Variants in PRKCE observed in about 807,000 individuals in gnomAD.
PRKCE encodes the protein protein kinase C epsilon, also known as protein kinase C epsilon type.
PRKCE carries 16 observed loss-of-function variants against 85.4 expected under a neutral mutation model. That is an observed-to-expected ratio of 0.19 (90% CI 0.13 to 0.28). The LOEUF is 0.28. Ranked by LOEUF, PRKCE falls within the 10% of genes least tolerant of loss-of-function variation. The pLI is 1.00. For missense variants in PRKCE, 573 were observed against 975.2 expected, an observed-to-expected ratio of 0.59 and a Z score of 5.49; for synonymous variants, 388 against 371.5, an observed-to-expected ratio of 1.04 and a Z score of -0.51.
chr2:45,973,152 G>T (rs1165066263), intron 2 of PRKCE, among the ~76,000 whole-genome samples: 1 of 152,232 alleles, frequency 6.6e-6, no homozygotes, highest in African/African-American at 2.4e-5. Context: ...GGAGGGAAAT[G>T]CTGAAGGGAT....
intron 14 of PRKCE, among the ~76,000 whole-genome samples, chr2:46,170,370 T>G (rs1678771562): frequency 6.6e-6 from 1 of 152,210 alleles, no homozygotes; most frequent in Non-Finnish European, 1.5e-5. Flanking sequence ...TTAACTTTAG[T>G]ACGGAAATTT....
chr2:45,742,210 T>A (rs552865314), intron 1 of PRKCE, among the ~76,000 whole-genome samples: 1 of 151,746 alleles, frequency 6.6e-6, no homozygotes, highest in Non-Finnish European at 1.5e-5. Context: ...ATATATCCAA[T>A]AAGGGTAACT....
At chr2:45,717,742 T>A (rs1680261193) in intron 1 of PRKCE, among the ~76,000 whole-genome samples, 1 of 152,242 alleles carries the variant, frequency 6.6e-6, no homozygotes, top group African/African-American at 2.4e-5. Flanking sequence ...CCTTACCCAC[T>A]GGTCTGGCTA....
chr2:45,884,997 A>ATTTTTTTTT lies in PRKCE; in HGVS notation c.412+41935_412+41936insTTTTTTTTT, dbSNP rs1360794938. ...TATATATATATATATATATATATAT[A>ATTTTTTTTT]TATATTTGTTGTTGTTGTTGTTGTT... On this transcript the variant is annotated intron_variant, in intron 2 of 14. Transcript: ENST00000306156. Among the ~76,000 whole-genome samples the ATTTTTTTTT allele has an allele frequency of 5.9e-3, 412 of 69,572 alleles. 24 individuals carry two copies. Among genetic ancestry groups the ATTTTTTTTT allele is most frequent in the East Asian group, 0.024 (40 of 1,680 alleles). The allele number at this position is 69,572 out of a possible 152,430, so 45.6% of individuals were successfully genotyped here. A position where few individuals can be genotyped will look rare whatever the true frequency, so the allele number is the denominator to read the frequency against.
rs771962534 is a variant in PRKCE at position 45,940,565 on chromosome 2, G to C, written c.413-35864G>C. Reference sequence around the variant, plus strand: ...GCAGAGAACACGTTAATTGGAGCAAGAAGAAGATGATGACTTGTATCCAGG... The same window carrying C: ...GCAGAGAACACGTTAATTGGAGCAACAAGAAGATGATGACTTGTATCCAGG... On this transcript the variant is annotated intron_variant, in intron 2 of 14. Transcript: ENST00000306156. Among the ~76,000 whole-genome samples the C allele has an allele frequency of 9.3e-4, 142 of 152,182 alleles. 2 individuals are homozygous for C. The highest frequency in any genetic ancestry group is 4.0e-4 in the Non-Finnish European group (27 of 68,040).
intron 11 of PRKCE, among the ~76,000 whole-genome samples, chr2:46,113,729 C>T (rs1672483217): frequency 6.6e-6 from 1 of 152,166 alleles, no homozygotes; most frequent in South Asian, 2.1e-4. Context: ...CCACTTAGCC[C>T]TGGGTAGGGG....
At chr2:45,784,966 C>T (rs1216510182) in intron 1 of PRKCE, among the ~76,000 whole-genome samples, 16 of 152,166 alleles carry the variant, frequency 1.1e-4, no homozygotes, top group Admixed American at 1.0e-3. Flanking sequence ...TATTTCTTAT[C>T]CTTTTCCTCT....
rs984324437 is a variant in PRKCE at position 46,114,608 on chromosome 2, A to G, written c.1592+28246A>G. Among the ~76,000 whole-genome samples, 8 of 151,238 alleles carry G rather than the reference A, an allele frequency of 5.3e-5. No individual in the cohort carries two copies. The East Asian group carries it at 1.6e-3, about 30-fold the overall frequency. ...AATTTTTTGTGTTTTTTTAGTAGAGATGGAGTTTCACCATGTTAGCCAGGA... is the reference window on the plus strand; with the variant it reads ...AATTTTTTGTGTTTTTTTAGTAGAGGTGGAGTTTCACCATGTTAGCCAGGA... On this transcript the variant is annotated intron_variant, in intron 11 of 14. Coordinates refer to ENST00000306156, the MANE Select transcript of PRKCE (RefSeq NM_005400.3).
chr2:45,962,402 G>T (rs1023255374), intron 2 of PRKCE, among the ~76,000 whole-genome samples: 3 of 152,184 alleles, frequency 2.0e-5, no homozygotes, highest in Non-Finnish European at 2.9e-5. Context: ...TAGCACCAAG[G>T]ACTGAGCTAA....
At chr2:46,149,135 C>G (rs529896785) in intron 12 of PRKCE, among the ~76,000 whole-genome samples, 2 of 152,162 alleles carry the variant, frequency 1.3e-5, no homozygotes, top group African/African-American at 2.4e-5. Context: ...CAATTTGTAA[C>G]CTCTAGAAGG....
At chr2:45,669,173 A>G (rs1334598110) in intron 1 of PRKCE, among the ~76,000 whole-genome samples, 3 of 152,048 alleles carry the variant, frequency 2.0e-5, no homozygotes, top group Admixed American at 1.3e-4. Context: ...ATTTTTCTTT[A>G]TCACTGCTTA....
intron 2 of PRKCE, among the ~76,000 whole-genome samples, chr2:45,899,879 C>G (rs1013628050): frequency 6.6e-6 from 1 of 152,158 alleles, no homozygotes; most frequent in Non-Finnish European, 1.5e-5. Flanking sequence ...CTTTTCATTT[C>G]TTGGTTATAT....
At chr2:45,921,325 G>T (rs961316652) in intron 2 of PRKCE, among the ~76,000 whole-genome samples, 1 of 152,148 alleles carries the variant, frequency 6.6e-6, no homozygotes, top group Non-Finnish European at 1.5e-5. Context: ...GGCCAAAGAT[G>T]ATAGGAAATA....
intron 1 of PRKCE, among the ~76,000 whole-genome samples, chr2:45,817,565 G>A (rs1292576927): frequency 6.6e-6 from 1 of 151,962 alleles, no homozygotes; most frequent in Admixed American, 6.6e-5. Context: ...ATGGTGGTGG[G>A]CGCCTGTAGT....
chr2:45,929,969 A>G lies in PRKCE; in HGVS notation c.413-46460A>G, dbSNP rs185275770. Reference sequence around the variant, plus strand: ...TGCCTGGGCCAAGATGGCACCAAATATATGCTTATTGAGTAAATGAATCAT... The same window carrying G: ...TGCCTGGGCCAAGATGGCACCAAATGTATGCTTATTGAGTAAATGAATCAT... On this transcript the variant is annotated intron_variant, in intron 2 of 14. Transcript: ENST00000306156. Among the ~76,000 whole-genome samples the G allele has an allele frequency of 7.9e-5, 12 of 152,156 alleles. No homozygotes were observed. In the East Asian group the frequency reaches 2.3e-3, roughly 29 times the overall value.
chr2:45,726,077 G>C (rs1337299404), intron 1 of PRKCE, among the ~76,000 whole-genome samples: 1 of 152,194 alleles, frequency 6.6e-6, no homozygotes, highest in Non-Finnish European at 1.5e-5. Flanking sequence ...GACCAAACTT[G>C]AACGGATGAG....
chr2:45,740,503 CCA>C (rs1238358750), intron 1 of PRKCE, among the ~76,000 whole-genome samples: 4 of 152,160 alleles, frequency 2.6e-5, no homozygotes, highest in Admixed American at 1.3e-4. Context: ...CCCTCCCCAA[CCA>C]CCTGACACGT....
At chr2:45,914,350 G>C (rs536917249) in intron 2 of PRKCE, among the ~76,000 whole-genome samples, 1 of 152,208 alleles carries the variant, frequency 6.6e-6, no homozygotes, top group African/African-American at 2.4e-5. Context: ...AGCAAGCTCT[G>C]TTTGGACATG....
intron 6 of PRKCE, among the ~76,000 whole-genome samples, chr2:45,997,121 CTT>C (rs1014040912): frequency 3.3e-5 from 5 of 151,998 alleles, no homozygotes; most frequent in Non-Finnish European, 7.4e-5. Context: ...TTATAATACT[CTT>C]TTATTCTTTT....
Sources: allele counts gnomAD v4.1 joint callset (sites outside exome capture counted in the v4.1 genomes callset), GRCh38; gene constraint gnomAD v4.1.1; transcripts MANE v1.5; gene names NCBI Gene and HGNC (gene_info 2026-07-23, HGNC 2026-07-21).